KCNQ5: variants seen among roughly 807,000 people sequenced by gnomAD.
KCNQ5 encodes the protein potassium voltage-gated channel subfamily Q member 5, also known as potassium voltage-gated channel subfamily KQT member 5.
KCNQ5 carries 30 observed loss-of-function variants against 98.2 expected under a neutral mutation model. That is an observed-to-expected ratio of 0.31 (90% CI 0.23 to 0.41). The LOEUF is 0.41. Ranked by LOEUF, KCNQ5 falls within the 10% of genes least tolerant of loss-of-function variation. The pLI is 1.00. For synonymous variants in KCNQ5, 458 were observed against 449.4 expected, an observed-to-expected ratio of 1.02 and a Z score of -0.24; for missense variants, 835 against 1,182.5, an observed-to-expected ratio of 0.71 and a Z score of 4.31.
intron 5 of KCNQ5, among the ~76,000 whole-genome samples, chr6:73,100,170 C>T (rs1774704710): frequency 6.6e-6 from 1 of 152,036 alleles, no homozygotes; most frequent in Admixed American, 6.6e-5. Flanking sequence ...CAACCTATAA[C>T]AAAACCAATG....
chr6:72,911,871 T>C (rs1779953542), intron 1 of KCNQ5, among the ~76,000 whole-genome samples: 1 of 152,176 alleles, frequency 6.6e-6, no homozygotes, highest in African/African-American at 2.4e-5. Flanking sequence ...TTTAAAGATA[T>C]TGTACTCTTT....
intron 1 of KCNQ5, among the ~76,000 whole-genome samples, chr6:72,854,122 C>A (rs75835188): frequency 0.011 from 1,629 of 152,238 alleles, 62 homozygotes; most frequent in East Asian, 0.085. Flanking sequence ...AACCTGCATG[C>A]AACATTACCT....
chr6:73,045,663 T>C (rs1267811292), intron 3 of KCNQ5, among the ~76,000 whole-genome samples: 1 of 152,228 alleles, frequency 6.6e-6, no homozygotes, highest in African/African-American at 2.4e-5. Context: ...ATAGTCATTC[T>C]TTTTTCTAGC....
At chr6:72,813,903 C>T (rs2150107334) in intron 1 of KCNQ5, among the ~76,000 whole-genome samples, 1 of 152,180 alleles carries the variant, frequency 6.6e-6, no homozygotes, top group African/African-American at 2.4e-5. Flanking sequence ...TATGGAGAGT[C>T]AACTGTACCC....
chr6:73,042,112 C>A, intron 3 of KCNQ5, 50 bp downstream of exon 3: 1 of 1,601,216 alleles, frequency 6.2e-7, no homozygotes, highest in South Asian at 1.1e-5. Flanking sequence ...ACATTCTTGT[C>A]TTCTATCTCC....
chr6:72,898,320 C>T (rs1472441697), intron 1 of KCNQ5, among the ~76,000 whole-genome samples: 1 of 152,104 alleles, frequency 6.6e-6, no homozygotes, highest in Non-Finnish European at 1.5e-5. Flanking sequence ...TTCCTCCCCT[C>T]GCCACTCCCC....
intron 2 of KCNQ5, among the ~76,000 whole-genome samples, chr6:73,024,933 A>G (rs1280159031): frequency 6.6e-6 from 1 of 152,218 alleles, no homozygotes; most frequent in Non-Finnish European, 1.5e-5. Flanking sequence ...CAATTAAGTA[A>G]TAGTATCAAT....
intron 1 of KCNQ5, among the ~76,000 whole-genome samples, chr6:72,846,513 G>C (rs1284275586): frequency 7.2e-6 from 1 of 138,170 alleles, no homozygotes; most frequent in African/African-American, 3.3e-5. Flanking sequence ...ATCTCTACAG[G>C]GGAAAAAAAA....
In KCNQ5 at chr6:72,873,996, T is replaced by C. The variant is rs919035817; in HGVS notation, c.399-129912T>C. ...TATTTTTGATTAAAGCTCCTCACTT[T>C]ACTTAGATATAAGTAAAGATTTATA... On this transcript the variant is annotated intron_variant, in intron 1 of 13. Transcript: ENST00000370398. 8.5e-5 allele frequency among the ~76,000 whole-genome samples: 13 copies of C among 152,070 alleles called. No individual in the cohort carries two copies. In the South Asian group the frequency reaches 1.2e-3, roughly 15 times the overall value.
At chr6:73,122,768 A>T (rs1291810320) in intron 8 of KCNQ5, among the ~76,000 whole-genome samples, 1 of 152,226 alleles carries the variant, frequency 6.6e-6, no homozygotes, top group Non-Finnish European at 1.5e-5. Context: ...AAGATAATCA[A>T]TGCACGAGAA....
chr6:72,785,329 A>G (rs1773681312), intron 1 of KCNQ5, among the ~76,000 whole-genome samples: 1 of 152,068 alleles, frequency 6.6e-6, no homozygotes, highest in African/African-American at 2.4e-5. Flanking sequence ...ACTGGAAAAC[A>G]TGACAAGGAT....
At chr6:72,653,440 G>A (rs1385423054) in intron 1 of KCNQ5, among the ~76,000 whole-genome samples, 2 of 151,936 alleles carry the variant, frequency 1.3e-5, no homozygotes, top group Non-Finnish European at 2.9e-5. Context: ...GAAGATAATG[G>A]TTGATACCCA....
intron 1 of KCNQ5, chr6:72,986,773 A>G (rs1350483116): frequency 1.3e-4 from 185 of 1,473,178 alleles, no homozygotes; most frequent in Non-Finnish European, 1.7e-4. Context: ...GACAGGGTGA[A>G]GAGGAAACCA....
intron 1 of KCNQ5, among the ~76,000 whole-genome samples, chr6:72,838,763 A>C (rs1218348879): frequency 6.6e-6 from 1 of 151,632 alleles, no homozygotes; most frequent in Non-Finnish European, 1.5e-5. Flanking sequence ...ATCCTGGCTA[A>C]CACGGTGAAA....
chr6:72,693,794 T>C (rs1384329904), intron 1 of KCNQ5, among the ~76,000 whole-genome samples: 4 of 152,216 alleles, frequency 2.6e-5, no homozygotes, highest in Non-Finnish European at 5.9e-5. Context: ...ACACTTATAT[T>C]AGCTGTTTCT....
At chr6:73,194,164 T>G (rs16883483) in intron 13 of KCNQ5, among the ~76,000 whole-genome samples, 4,699 of 152,288 alleles carry the variant, frequency 0.031, 93 homozygotes, top group East Asian at 0.068. Context: ...AGTTGCATTT[T>G]TATAGTGCTT....
intron 10 of KCNQ5, among the ~76,000 whole-genome samples, chr6:73,152,078 C>T (rs7743972): frequency 4.6e-5 from 7 of 152,132 alleles, no homozygotes; most frequent in Admixed American, 2.0e-4. Flanking sequence ...CCACTCTCTT[C>T]GTTTACTTTG....
At chr6:73,050,004 C>T (rs189081468) in intron 3 of KCNQ5, among the ~76,000 whole-genome samples, 43 of 151,960 alleles carry the variant, frequency 2.8e-4, no homozygotes, top group Non-Finnish European at 5.4e-4. Context: ...ACCTGGGCAA[C>T]ATAATGAGAC....
At chr6:73,021,622 G>A (rs1344723062) in intron 2 of KCNQ5, among the ~76,000 whole-genome samples, 2 of 152,160 alleles carry the variant, frequency 1.3e-5, no homozygotes, top group Admixed American at 1.3e-4. Flanking sequence ...AGAGATGCAA[G>A]ATAAAACTGT....
Sources: gnomAD v4.1 joint callset for allele counts (sites outside exome capture counted in the v4.1 genomes callset) on GRCh38, gnomAD v4.1.1 for gene constraint, MANE v1.5 for transcripts, NCBI Gene and HGNC (gene_info 2026-07-23, HGNC 2026-07-21) for gene names.